The following AGMO variants were observed in gnomAD, a reference collection of about 807,000 sequenced individuals.
The protein encoded by AGMO is alkylglycerol monooxygenase, also known as glyceryl-ether monooxygenase.
In AGMO, 75 loss-of-function variants were observed where a neutral mutation model predicts 60.2. The ratio of observed to expected loss-of-function variants is 1.25; its 90% CI spans 1.03 to 1.51. AGMO has a LOEUF of 1.51. Ranked by LOEUF, AGMO falls within the 40% of genes most tolerant of loss-of-function variation. The pLI is 0.00. For missense variants in AGMO, 763 were observed against 525.5 expected, an observed-to-expected ratio of 1.45 and a Z score of -4.42; for synonymous variants, 261 against 177.1, an observed-to-expected ratio of 1.47 and a Z score of -3.76.
At chr7:15,368,502 G>A (rs1783073362) in intron 10 of AGMO, among the ~76,000 whole-genome samples, 1 of 152,068 alleles carries the variant, frequency 6.6e-6, no homozygotes, top group African/African-American at 2.4e-5. Flanking sequence ...TATCACCCAT[G>A]TAAACATGAG....
At chr7:15,329,013 A>G (rs1781425118) in intron 12 of AGMO, among the ~76,000 whole-genome samples, 1 of 152,144 alleles carries the variant, frequency 6.6e-6, no homozygotes, top group African/African-American at 2.4e-5. Context: ...GAGTTTGCCA[A>G]GAGTTCATAG....
chr7:15,286,519 T>C (rs1050951300), intron 12 of AGMO, among the ~76,000 whole-genome samples: 21 of 152,110 alleles, frequency 1.4e-4, no homozygotes, highest in South Asian at 4.1e-4. Context: ...AAAACCACAA[T>C]GAGATACCAT....
At chr7:15,175,027 T>C in the AGMO span, among the ~76,000 whole-genome samples, 1 of 151,888 alleles carries the variant, frequency 6.6e-6, no homozygotes, top group Non-Finnish European at 1.5e-5. Context: ...TTAAAACTAT[T>C]GCAAATAGTT....
chr7:15,204,438 G>C (rs1781388549), intron 12 of AGMO, among the ~76,000 whole-genome samples: 1 of 152,116 alleles, frequency 6.6e-6, no homozygotes, highest in Non-Finnish European at 1.5e-5. Flanking sequence ...GCTAGTGAAA[G>C]AATAGATGAA....
intron 8 of AGMO, among the ~76,000 whole-genome samples, chr7:15,389,871 G>T (rs560902164): frequency 3.0e-4 from 46 of 152,298 alleles, no homozygotes; most frequent in African/African-American, 1.0e-3. Flanking sequence ...CTCAATAGAT[G>T]TTAACAATTT....
the AGMO span, among the ~76,000 whole-genome samples, chr7:15,147,028 C>T: frequency 3.3e-5 from 5 of 151,912 alleles, no homozygotes; most frequent in African/African-American, 4.8e-5. Flanking sequence ...CAAAAAAACC[C>T]ACAATGGCTT....
intron 10 of AGMO, among the ~76,000 whole-genome samples, chr7:15,385,069 G>T (rs1783859952): frequency 6.6e-6 from 1 of 152,096 alleles, no homozygotes; most frequent in African/African-American, 2.4e-5. Flanking sequence ...TTCTATCAGG[G>T]AATTCTCTAA....
At chr7:15,268,056 T>C (rs1174530488) in intron 12 of AGMO, among the ~76,000 whole-genome samples, 1 of 151,944 alleles carries the variant, frequency 6.6e-6, no homozygotes, top group Non-Finnish European at 1.5e-5. Flanking sequence ...AAAGAAATAT[T>C]TTATCTGTTA....
downstream of AGMO, among the ~76,000 whole-genome samples, chr7:15,198,240 A>AGAGAGAGAGAGAGG (rs1563030450): frequency 2.0e-3 from 208 of 102,330 alleles, 4 homozygotes; most frequent in Non-Finnish European, 3.1e-3. Flanking sequence ...AGAGAGAGAG[A>AGAGAGAGAGAGAGG]GAGAGAGAGA....
At chr7:15,255,937 A>T (rs77860777) in intron 12 of AGMO, among the ~76,000 whole-genome samples, 191 of 152,322 alleles carry the variant, frequency 1.3e-3, no homozygotes, top group African/African-American at 4.0e-3. Flanking sequence ...TGATCATGGG[A>T]TTCAATCTGA....
chr7:15,354,371 C>T (rs1448054488), intron 12 of AGMO, among the ~76,000 whole-genome samples: 2 of 55,210 alleles, frequency 3.6e-5, no homozygotes, highest in Admixed American at 1.6e-4. Context: ...TGTATATAGA[C>T]GTGTGTATAC....
intron 3 of AGMO, among the ~76,000 whole-genome samples, chr7:15,496,549 T>TC (rs1554279424): frequency 1.4e-5 from 1 of 69,608 alleles, no homozygotes; most frequent in African/African-American, 3.6e-5. Flanking sequence ...GGCTGAGGAA[T>TC]CAAAAAAAAA....
chr7:15,351,197 T>C (rs190830274), intron 12 of AGMO, among the ~76,000 whole-genome samples: 2 of 152,254 alleles, frequency 1.3e-5, no homozygotes, highest in African/African-American at 2.4e-5. Flanking sequence ...GTCTGCATAA[T>C]GGGAAAGGGT....
chr7:15,338,936 G>T (rs1781746922), intron 12 of AGMO, among the ~76,000 whole-genome samples: 1 of 152,118 alleles, frequency 6.6e-6, no homozygotes, highest in African/African-American at 2.4e-5. Flanking sequence ...TGGCAAGTGG[G>T]GAGCAGCCTC....
chr7:15,390,703 G>A lies in AGMO; in HGVS notation c.790C>T (p.Pro264Ser), dbSNP rs144104404. 2.0e-5 allele frequency: 32 copies of A among 1,609,696 alleles called. No homozygotes were observed. Among genetic ancestry groups the A allele is most frequent in the Non-Finnish European group, 2.6e-5 (31 of 1,177,280 alleles). Residue 264 changes from proline (P) to serine (S), a missense_variant, in exon 8 of 13, where the codon CCC (proline) becomes TCC (serine). By Grantham distance (74) the Pro-to-Ser change is moderately conservative (BLOSUM62 -1). Coordinates refer to ENST00000342526, the MANE Select transcript of AGMO (RefSeq NM_001004320.2). ...NEKVVYGLTH[P>S]INTFEPIKVQ... ...TTGATTGGTTCAAATGTATTAATGG[G>A]ATGTGTTAAGCCATATACAACTTTT...
At chr7:15,436,281 C>T (rs1781402023) in intron 3 of AGMO, among the ~76,000 whole-genome samples, 1 of 151,364 alleles carries the variant, frequency 6.6e-6, no homozygotes, top group African/African-American at 2.4e-5. Flanking sequence ...TTATTTTTCA[C>T]AGTCCCTGTG....
chr7:15,251,773 G>A (rs540435425), intron 12 of AGMO, among the ~76,000 whole-genome samples: 5 of 152,244 alleles, frequency 3.3e-5, no homozygotes, highest in South Asian at 2.1e-4. Flanking sequence ...AGGCACGGGG[G>A]GCAAGTGCAA....
At chr7:15,395,021 G>GT (rs1194111762) in intron 5 of AGMO, among the ~76,000 whole-genome samples, 7 of 152,190 alleles carry the variant, frequency 4.6e-5, no homozygotes, top group Non-Finnish European at 4.4e-5. Flanking sequence ...CAGCCCAGAT[G>GT]TAAGACATTT....
intron 3 of AGMO, among the ~76,000 whole-genome samples, chr7:15,534,665 T>C (rs748090695): frequency 4.6e-5 from 7 of 151,920 alleles, no homozygotes; most frequent in Admixed American, 3.3e-4. Context: ...ACATTCTTTA[T>C]ACAACCAAGT....
Sources: gnomAD v4.1 joint callset for allele counts (sites outside exome capture counted in the v4.1 genomes callset) on GRCh38, gnomAD v4.1.1 for gene constraint, MANE v1.5 for transcripts, NCBI Gene and HGNC (gene_info 2026-07-23, HGNC 2026-07-21) for gene names.